The following RNF144B variants were observed in gnomAD, a reference collection of about 807,000 sequenced individuals.
RNF144B encodes the protein ring finger protein 144B.
Under a neutral mutation model 40.2 loss-of-function variants are expected in RNF144B, and 25 were observed. The observed-to-expected ratio is 0.62, with a 90% CI of 0.45 to 0.87. RNF144B has a LOEUF of 0.87. Ranked by LOEUF, RNF144B falls within the 40% of genes least tolerant of loss-of-function variation. The pLI is 0.00. For missense variants in RNF144B, 365 were observed against 373.7 expected, an observed-to-expected ratio of 0.98 and a Z score of 0.19; for synonymous variants, 145 against 136.3, an observed-to-expected ratio of 1.06 and a Z score of -0.44.
intron 2 of RNF144B, among the ~76,000 whole-genome samples, chr6:18,404,749 A>G (rs1435737676): frequency 6.6e-6 from 1 of 152,254 alleles, no homozygotes; most frequent in East Asian, 1.9e-4. Context: ...ATAGATGAGC[A>G]CATTTATGGT....
chr6:18,396,316 T>G (rs928502184), intron 1 of RNF144B: 4 of 831,108 alleles, frequency 4.8e-6, no homozygotes, highest in African/African-American at 3.7e-5. Flanking sequence ...ATCCAATATG[T>G]CTTTCAAGAG....
At position 18,441,945 on chromosome 6, in the gene RNF144B, A is replaced by G. The variant is rs1398780100; in HGVS notation, c.331+2201A>G. ...CACGTTTTAAATTAAATTATTCTCAATGTTCTTCTCCTGTACACTTTTTTC... is the reference window on the plus strand; with the variant it reads ...CACGTTTTAAATTAAATTATTCTCAGTGTTCTTCTCCTGTACACTTTTTTC... On this transcript the variant is annotated intron_variant, in intron 4 of 7. Coordinates refer to ENST00000259939, the MANE Select transcript of RNF144B (RefSeq NM_182757.4). The surrounding 1 kb of genome is among the most constrained non-coding windows in gnomAD (Gnocchi z 4.9). Among the ~76,000 whole-genome samples, 5 of 152,218 alleles carry G rather than the reference A, an allele frequency of 3.3e-5. No individual in the cohort carries two copies. Among genetic ancestry groups the G allele is most frequent in the African/African-American group, 4.8e-5 (2 of 41,456 alleles).
intron 2 of RNF144B, among the ~76,000 whole-genome samples, chr6:18,424,107 T>A (rs903093075): frequency 6.6e-6 from 1 of 152,220 alleles, no homozygotes; most frequent in Non-Finnish European, 1.5e-5. Flanking sequence ...GATGCCAGTT[T>A]TCCCCCCTAG....
rs550862988 is a variant in RNF144B, at chr6:18,409,871, T to C, written c.165+10172T>C. ...AGGCGTGAGCCACTGCGCCCCGGCC[T>C]ACATAACATTTTTTACTTCGATCAT... On this transcript the variant is annotated intron_variant, in intron 2 of 7. Coordinates refer to ENST00000259939, the MANE Select transcript of RNF144B (RefSeq NM_182757.4). Among the ~76,000 whole-genome samples, 82 of 152,278 alleles carry C rather than the reference T, an allele frequency of 5.4e-4. 1 individual carries two copies. Among genetic ancestry groups the C allele is most frequent in the Admixed American group, 5.2e-4 (8 of 15,286 alleles).
rs1758765301 is a variant in RNF144B at position 18,434,307 on chromosome 6, A to G, written c.271-5377A>G. Among the ~76,000 whole-genome samples, 1 of 152,136 alleles carries G rather than the reference A, an allele frequency of 6.6e-6. No individual in the cohort carries two copies. The highest frequency in any genetic ancestry group is 2.1e-4 in the South Asian group (1 of 4,832). Reference sequence around the variant, plus strand: ...AACACACACCACTTTTGGCATAAATACTTTTGTGGTGAGCAGGCTTCACTT... The same window carrying G: ...AACACACACCACTTTTGGCATAAATGCTTTTGTGGTGAGCAGGCTTCACTT... On this transcript the variant is annotated intron_variant, in intron 3 of 7. Coordinates refer to ENST00000259939, the MANE Select transcript of RNF144B (RefSeq NM_182757.4). This position sits in a 1 kb window ranked among gnomAD's most constrained non-coding sequence, Gnocchi z 4.1.
chr6:18,399,583 C>G lies in RNF144B; in HGVS notation c.49C>G (p.Pro17Ala). The G allele has an allele frequency of 1.2e-6, 2 of 1,614,086 alleles. No individual in the cohort carries two copies. Among genetic ancestry groups the G allele is most frequent in the Non-Finnish European group, 1.7e-6 (2 of 1,179,964 alleles). The change falls in exon 2 of 8, where the codon CCC (proline) becomes GCC (alanine). Residue 17 changes from proline to alanine, a missense_variant. Transcript: ENST00000259939. ...CTATCTCGCCATGACTGCTGAAAAT[C>G]CCACTCCTGGAGACCTGGCTCCGGC... Reference protein sequence around the residue: ...LHYLAMTAENPTPGDLAPAPL... With the variant: ...LHYLAMTAENATPGDLAPAPL...
chr6:18,395,565 C>T lies in RNF144B; in HGVS notation c.-36-3934C>T, dbSNP rs1409154488. Among the ~76,000 whole-genome samples, 1 of 145,234 alleles carries T rather than the reference C, an allele frequency of 6.9e-6. No homozygotes were observed. Among genetic ancestry groups the T allele is most frequent in the Non-Finnish European group, 1.5e-5 (1 of 66,378 alleles). ...CAATGAATCAATGGTGAAAGGATTT[C>T]TTGTTTGATATTCTTTTTTTTTTTT... is the stretch of plus-strand genomic sequence containing the variant. On this transcript the variant is annotated intron_variant, in intron 1 of 7. Coordinates refer to ENST00000259939, the MANE Select transcript of RNF144B (RefSeq NM_182757.4). The surrounding 1 kb of genome is among the most constrained non-coding windows in gnomAD (Gnocchi z 4.5).
chr6:18,466,428 A>C lies in RNF144B; in HGVS notation c.*1361A>C, dbSNP rs964048721. The C allele has an allele frequency of 3.3e-5, 5 of 152,112 alleles. No individual in the cohort carries two copies. In the South Asian group the frequency reaches 8.3e-4, roughly 25 times the overall value. 9.4% of individuals were successfully genotyped at this position (152,112 alleles called of 1,614,324 possible). A position where few individuals can be genotyped will look rare whatever the true frequency, so the allele number is the denominator to read the frequency against. On this transcript the variant is annotated 3_prime_UTR_variant, in exon 8 of 8. Coordinates refer to ENST00000259939, the MANE Select transcript of RNF144B (RefSeq NM_182757.4). ...GCAACAAAAACATGTAAGAAATAAA[A>C]TAGAAATGCTTTATATAATTTAGTT...
Position 18,444,091 on chromosome 6 carries a change from A to T in RNF144B, c.331+4347A>T, listed in dbSNP as rs370354827. Reference sequence around the variant, plus strand: ...CTTTAGCTTGTTGTTCAGTGTGTGAATTGTCCTCTGCTTTGTGTTACGTAT... The same window carrying T: ...CTTTAGCTTGTTGTTCAGTGTGTGATTTGTCCTCTGCTTTGTGTTACGTAT... On this transcript the variant is annotated intron_variant, in intron 4 of 7. Transcript: ENST00000259939. This position sits in a 1 kb window ranked among gnomAD's most constrained non-coding sequence, Gnocchi z 4.3. 5.3e-5 allele frequency among the ~76,000 whole-genome samples: 8 copies of T among 152,090 alleles called. No homozygotes were observed. The highest frequency in any genetic ancestry group is 1.9e-4 in the East Asian group (1 of 5,196).
intron 2 of RNF144B, among the ~76,000 whole-genome samples, chr6:18,413,064 A>G (rs1795079179): frequency 6.6e-6 from 1 of 152,218 alleles, no homozygotes; most frequent in African/African-American, 2.4e-5. Context: ...CTTCCAGTTT[A>G]CAGATAAACC....
chr6:18,393,075 C>T (rs1159323235), intron 1 of RNF144B, among the ~76,000 whole-genome samples: 1 of 149,130 alleles, frequency 6.7e-6, no homozygotes, highest in African/African-American at 2.5e-5. Flanking sequence ...GAGCCGAGAT[C>T]GCGCCACTGC....
rs1340183248 is a variant in RNF144B at position 18,443,505 on chromosome 6, C to T, written c.331+3761C>T. ...CGAAGTCCTAACCTCAAGTGATCCACCCACCTCGGCCTCCCAAAGTTCTGG... is the reference window on the plus strand; with the variant it reads ...CGAAGTCCTAACCTCAAGTGATCCATCCACCTCGGCCTCCCAAAGTTCTGG... On this transcript the variant is annotated intron_variant, in intron 4 of 7. Transcript: ENST00000259939. The surrounding 1 kb of genome is among the most constrained non-coding windows in gnomAD (Gnocchi z 4.7). Among the ~76,000 whole-genome samples, 1 of 152,196 alleles carries T rather than the reference C, an allele frequency of 6.6e-6. No homozygotes were observed. Among genetic ancestry groups the T allele is most frequent in the East Asian group, 1.9e-4 (1 of 5,202 alleles).
At position 18,457,457 on chromosome 6, in the gene RNF144B, G is replaced by C. The variant is rs1053966981; in HGVS notation, c.536+98G>C. ...AGGAGTTACGTTGTGATGGCGTTTA[G>C]AGATTGGTTATTTTCCTGCAGAACT... On this transcript the variant is annotated intron_variant, in intron 5 of 7. Transcript: ENST00000259939. The surrounding 1 kb of genome is among the most constrained non-coding windows in gnomAD (Gnocchi z 5.1). The C allele has an allele frequency of 3.2e-6, 3 of 930,934 alleles. No individual in the cohort carries two copies. The highest frequency in any genetic ancestry group is 3.2e-5 in the African/African-American group (2 of 61,712). The allele number at this position is 930,934 out of a possible 1,614,324, so 57.7% of individuals were successfully genotyped here.
rs1025681489 is a variant in RNF144B, at chr6:18,412,631, A to C, written c.165+12932A>C. On this transcript the variant is annotated intron_variant, in intron 2 of 7. Transcript: ENST00000259939. This position sits in a 1 kb window ranked among gnomAD's most constrained non-coding sequence, Gnocchi z 4.2. ...AGGTTTAAAAAATTTAGGCAAGTTGAAAAAGGGTGGTGAGTTAACTAGAAA... is the reference window on the plus strand; with the variant it reads ...AGGTTTAAAAAATTTAGGCAAGTTGCAAAAGGGTGGTGAGTTAACTAGAAA... 2.0e-5 allele frequency among the ~76,000 whole-genome samples: 3 copies of C among 152,220 alleles called. No individual in the cohort carries two copies. The highest frequency in any genetic ancestry group is 1.3e-4 in the Admixed American group (2 of 15,280).
intron 2 of RNF144B, among the ~76,000 whole-genome samples, chr6:18,415,264 A>G (rs1374201040): frequency 6.6e-6 from 1 of 152,206 alleles, no homozygotes; most frequent in Non-Finnish European, 1.5e-5. Flanking sequence ...GTGTTGATAT[A>G]ACAAAATACG....
Position 18,439,699 on chromosome 6 carries a change from C to G in RNF144B, c.286C>G (p.Pro96Ala). 3 of 1,612,348 alleles carry G rather than the reference C, an allele frequency of 1.9e-6. No homozygotes were observed. Among genetic ancestry groups the G allele is most frequent in the Non-Finnish European group, 2.5e-6 (3 of 1,178,574 alleles). The stretch of plus-strand genomic sequence containing the variant: ...CTGGTTTCAGATTGCCTGTTTGGTA[C>G]CTGTGGACCAGTTTCAACTTTATCA... ...LQEAEIACLV[P>A]VDQFQLYQRL... The change falls in exon 4 of 8, where the codon CCT becomes GCT. Residue 96 changes from proline (P) to alanine (A), a missense_variant. Transcript: ENST00000259939.
intron 2 of RNF144B, among the ~76,000 whole-genome samples, chr6:18,426,202 A>G (rs1246002644): frequency 1.3e-5 from 2 of 152,218 alleles, no homozygotes; most frequent in African/African-American, 2.4e-5. Flanking sequence ...CAGTAAGTTG[A>G]TACATAAATG....
At chr6:18,409,818 C>G (rs769191418) in intron 2 of RNF144B, among the ~76,000 whole-genome samples, 1 of 152,064 alleles carries the variant, frequency 6.6e-6, no homozygotes, top group Admixed American at 6.5e-5. Flanking sequence ...GACCTGCCCG[C>G]CTTGTCTTCC....
chr6:18,457,227 G>A lies in RNF144B; in HGVS notation c.404G>A (p.Ser135Asn). 1 of 1,614,126 alleles carries A rather than the reference G, an allele frequency of 6.2e-7. No individual in the cohort carries two copies. The highest frequency in any genetic ancestry group is 1.1e-5 in the South Asian group (1 of 91,078). The change falls in exon 5 of 8, where the codon AGT becomes AAT. Residue 135 changes from serine (S) to asparagine (N), a missense_variant. Transcript: ENST00000259939. The surrounding 1 kb of genome is among the most constrained non-coding windows in gnomAD (Gnocchi z 5.1). ...CAGACAGTGTGCCCTGTTGCCTCGA[G>A]TGACCCAGGACAGCCTGTGCTGGTG... ...DCQTVCPVAS[S>N]DPGQPVLVEC...
Sources: gnomAD v4.1 joint callset for allele counts (sites outside exome capture counted in the v4.1 genomes callset) on GRCh38, gnomAD v4.1.1 for gene constraint, Gnocchi (gnomAD v3.1) non-coding constraint, MANE v1.5 for transcripts, NCBI Gene and HGNC (gene_info 2026-07-23, HGNC 2026-07-21) for gene names.